Variants in SHANK2 observed in about 807,000 individuals in gnomAD.
SHANK2 encodes the protein SH3 and multiple ankyrin repeat domains 2.
A neutral mutation model predicts 133.7 loss-of-function variants in SHANK2; 43 were observed. The ratio of observed to expected loss-of-function variants is 0.32; its 90% CI spans 0.25 to 0.41. The LOEUF (loss-of-function observed/expected upper bound fraction) is 0.41. Ranked by LOEUF, SHANK2 falls within the 10% of genes least tolerant of loss-of-function variation. SHANK2 has a pLI of 1.00. For synonymous variants in SHANK2, 1,017 were observed against 952.8 expected, an observed-to-expected ratio of 1.07 and a Z score of -1.24; for missense variants, 1,994 against 2,235.8, an observed-to-expected ratio of 0.89 and a Z score of 2.18.
intron 17 of SHANK2, among the ~76,000 whole-genome samples, chr11:70,602,539 G>C (rs2060514618): frequency 6.6e-6 from 1 of 152,140 alleles, no homozygotes; most frequent in African/African-American, 2.4e-5. Flanking sequence ...TGATGGGACG[G>C]GTCACAACAC....
chr11:71,147,466 AC>A, intron 2 of SHANK2, 128 bp from the exon 3 acceptor site: 1 of 651,902 alleles, frequency 1.5e-6, no homozygotes, highest in Non-Finnish European at 2.3e-6. Context: ...TGTTGGTGTG[AC>A]CACCAGCCGA....
At chr11:71,084,274 A>G (rs958230466) in intron 8 of SHANK2, among the ~76,000 whole-genome samples, 16 of 152,186 alleles carry the variant, frequency 1.1e-4, no homozygotes, top group African/African-American at 3.9e-4. Context: ...CCCGGCCCGA[A>G]TAACAACTTT....
chr11:70,624,612 C>CG (rs1163922308), intron 17 of SHANK2, among the ~76,000 whole-genome samples: 42 of 152,162 alleles, frequency 2.8e-4, no homozygotes, highest in Non-Finnish European at 5.3e-4. Flanking sequence ...GGTGCCCCCC[C>CG]AAACCCCAGG....
Position 70,876,620 on chromosome 11 carries a change from CACAT to C in SHANK2, c.1174+19877_1174+19880del, listed in dbSNP as rs545402938. Among the ~76,000 whole-genome samples the C allele has an allele frequency of 3.8e-3, 531 of 138,230 alleles. 1 individual carries two copies. The highest frequency in any genetic ancestry group is 3.5e-3 in the Non-Finnish European group (240 of 67,866). 90.7% of individuals were successfully genotyped at this position (138,230 alleles called of 152,430 possible). A position where few individuals can be genotyped will look rare whatever the true frequency, so the allele number is the denominator to read the frequency against. ...ACACACACACACACACGCACACACA[CACAT>C]GCATACACATGCATATATTGCATGT... On this transcript the variant is annotated intron_variant, in intron 11 of 25. Coordinates refer to ENST00000601538, the MANE Select transcript of SHANK2 (RefSeq NM_012309.5).
At chr11:70,612,512 A>G (rs2060673554) in intron 17 of SHANK2, among the ~76,000 whole-genome samples, 1 of 152,202 alleles carries the variant, frequency 6.6e-6, no homozygotes, top group Non-Finnish European at 1.5e-5. Context: ...ACAATTACGA[A>G]TATCTTTAGA....
chr11:70,943,403 T>TG, intron 10 of SHANK2, among the ~76,000 whole-genome samples: 1 of 152,280 alleles, frequency 6.6e-6, no homozygotes, highest in Admixed American at 6.5e-5. Flanking sequence ...CTCAATTGGA[T>TG]GCCCAGGCTT....
chr11:71,083,986 G>GA (rs1295977942), intron 8 of SHANK2, among the ~76,000 whole-genome samples: 8 of 149,406 alleles, frequency 5.4e-5, no homozygotes, highest in African/African-American at 1.2e-4. Context: ...TTTTGGGGGG[G>GA]GGAGACAGAG....
At chr11:71,133,282 C>T (rs868941882) in intron 3 of SHANK2, among the ~76,000 whole-genome samples, 7 of 106,888 alleles carry the variant, frequency 6.5e-5, no homozygotes, top group African/African-American at 3.1e-4. Context: ...GGATGGATGG[C>T]CGGCCGGACG....
At chr11:70,911,899 T>C (rs187073219) in intron 10 of SHANK2, among the ~76,000 whole-genome samples, 2 of 151,788 alleles carry the variant, frequency 1.3e-5, no homozygotes, top group African/African-American at 4.8e-5. Flanking sequence ...CTGGCCAACA[T>C]GGTAAAATCC....
At chr11:71,219,335 G>C (rs782180283) in intron 2 of SHANK2, among the ~76,000 whole-genome samples, 1 of 152,184 alleles carries the variant, frequency 6.6e-6, no homozygotes, top group Non-Finnish European at 1.5e-5. Context: ...TCACAAAAGA[G>C]AACCCAGATT....
At chr11:71,062,507 C>G (rs1950999846) in intron 9 of SHANK2, among the ~76,000 whole-genome samples, 1 of 152,072 alleles carries the variant, frequency 6.6e-6, no homozygotes, top group African/African-American at 2.4e-5. Context: ...GGGGGTCTTG[C>G]TCACCCATTT....
intron 4 of SHANK2, among the ~76,000 whole-genome samples, chr11:71,116,138 C>T (rs1191755676): frequency 5.3e-5 from 8 of 152,170 alleles, no homozygotes; most frequent in South Asian, 4.1e-4. Context: ...AACGTGCAGA[C>T]GCGGCATCAC....
chr11:70,751,351 T>C (rs1489782538), intron 14 of SHANK2, among the ~76,000 whole-genome samples: 2 of 152,216 alleles, frequency 1.3e-5, no homozygotes, highest in Non-Finnish European at 2.9e-5. Flanking sequence ...ATCAGAACTA[T>C]GGAGGTCAGA....
At chr11:70,544,662 C>T (rs554970006) in intron 17 of SHANK2, among the ~76,000 whole-genome samples, 26 of 152,304 alleles carry the variant, frequency 1.7e-4, no homozygotes, top group African/African-American at 5.8e-4. Context: ...GGACCAGGAG[C>T]GGGGTGGCCA....
In SHANK2 at chr11:70,836,202, G is replaced by A. The variant is rs186015688; in HGVS notation, c.1175-15520C>T. On this transcript the variant is annotated intron_variant, in intron 11 of 25. Transcript: ENST00000601538. ...TGCCTGCTGCCTCCTCTTTCTGAGC[G>A]GCTGCACACTCAGAAGCAGCATGGC... 1.7e-4 allele frequency among the ~76,000 whole-genome samples: 26 copies of A among 152,334 alleles called. No homozygotes were observed. The East Asian group carries it at 4.4e-3, about 26-fold the overall frequency.
At chr11:70,617,994 TA>T (rs1188664947) in intron 17 of SHANK2, among the ~76,000 whole-genome samples, 3 of 151,634 alleles carry the variant, frequency 2.0e-5, no homozygotes, top group South Asian at 2.1e-4. Flanking sequence ...ATAATAATAA[TA>T]AAAAAAAGAT....
At chr11:71,056,303 A>T (rs981470693) in intron 10 of SHANK2, among the ~76,000 whole-genome samples, 178 bp downstream of exon 10, 3 of 152,196 alleles carry the variant, frequency 2.0e-5, no homozygotes, top group Non-Finnish European at 4.4e-5. Context: ...GCACACTGAG[A>T]CGGGGCAGCA....
rs1422705013 is a variant in SHANK2 at position 71,188,031 on chromosome 11, G to A, written c.-13+36666C>T. 3.3e-5 allele frequency among the ~76,000 whole-genome samples: 5 copies of A among 152,130 alleles called. No individual in the cohort carries two copies. Among genetic ancestry groups the A allele is most frequent in the African/African-American group, 1.2e-4 (5 of 41,422 alleles). On this transcript the variant is annotated intron_variant, in intron 2 of 25. Transcript: ENST00000601538. This position sits in a 1 kb window ranked among gnomAD's most constrained non-coding sequence, Gnocchi z 4.6. Reference sequence around the variant, plus strand: ...GCTTCGTGTCTTCTACTGGTATCACGAAACTGAGGTAGGCTAACCTGGCGG... The same window carrying A: ...GCTTCGTGTCTTCTACTGGTATCACAAAACTGAGGTAGGCTAACCTGGCGG...
rs55968949 is a variant in SHANK2 at position 70,492,436 on chromosome 11, T to C, written c.2338A>G (p.Lys780Glu). The C allele has an allele frequency of 6.2e-7, 1 of 1,614,018 alleles. No individual in the cohort carries two copies. Among genetic ancestry groups the C allele is most frequent in the Non-Finnish European group, 8.5e-7 (1 of 1,180,042 alleles). ...ATGTTCTCAGCAGCGCGGGAGGGCT[T>C]GGAGGCCGGGACTATCTCCTCGGGT... ...DKPEEIVPAS[K>E]PSRAAENMAV... Residue 780 changes from lysine (K) to glutamate (E), a missense_variant, in exon 22 of 26, where the codon AAG becomes GAG. Lys to Glu is a moderately conservative substitution (Grantham distance 56). Coordinates refer to ENST00000601538, the MANE Select transcript of SHANK2 (RefSeq NM_012309.5).
Sources: allele counts gnomAD v4.1 joint callset (sites outside exome capture counted in the v4.1 genomes callset), GRCh38; gene constraint gnomAD v4.1.1; non-coding constraint Gnocchi (gnomAD v3.1); transcripts MANE v1.5; gene names NCBI Gene and HGNC (gene_info 2026-07-23, HGNC 2026-07-21).